The following SLCO2A1 variants were observed in gnomAD, a reference collection of about 807,000 sequenced individuals.
SLCO2A1 encodes solute carrier organic anion transporter family member 2A1.
A neutral mutation model predicts 71.7 loss-of-function variants in SLCO2A1; 60 were observed. The observed-to-expected ratio is 0.84, with a 90% CI of 0.68 to 1.04. SLCO2A1 has a LOEUF of 1.04. Among genes scored for constraint, SLCO2A1 ranks in the 50% least tolerant of loss-of-function variants. The pLI is 0.00. For missense variants in SLCO2A1, 745 were observed against 813.4 expected, an observed-to-expected ratio of 0.92 and a Z score of 1.02; for synonymous variants, 308 against 326.7, an observed-to-expected ratio of 0.94 and a Z score of 0.62.
intron 3 of SLCO2A1, among the ~76,000 whole-genome samples, chr3:133,966,124 G>A (rs1333637480): frequency 1.3e-5 from 2 of 152,298 alleles, no homozygotes; most frequent in African/African-American, 2.4e-5. Flanking sequence ...ACCACAACCC[G>A]TGGGCTGCGT....
At chr3:134,001,486 G>C (rs1935102700) in intron 1 of SLCO2A1, among the ~76,000 whole-genome samples, 2 of 152,170 alleles carry the variant, frequency 1.3e-5, no homozygotes, top group African/African-American at 4.8e-5. Context: ...TCAACAGAGG[G>C]CTGGCTGCTC....
At chr3:134,021,127 T>G (rs917391153) in intron 1 of SLCO2A1, among the ~76,000 whole-genome samples, 1 of 152,244 alleles carries the variant, frequency 6.6e-6, no homozygotes, top group African/African-American at 2.4e-5. Flanking sequence ...TTGGTTTTGA[T>G]TTTGCTTTGG....
chr3:133,973,920 A>G, intron 2 of SLCO2A1, 95 bp from the exon 3 acceptor site: 1 of 1,283,154 alleles, frequency 7.8e-7, no homozygotes, highest in Non-Finnish European at 1.1e-6. Flanking sequence ...GGAAAACTGG[A>G]AAGGGAGGGG....
intron 8 of SLCO2A1, 27 bp downstream of exon 8, chr3:133,948,509 G>A (rs373853517): frequency 1.2e-5 from 20 of 1,600,154 alleles, no homozygotes; most frequent in Admixed American, 6.8e-5. Context: ...CAAGCCCTGC[G>A]GATCCTGCAG....
chr3:133,978,863 G>A (rs1045731155), intron 2 of SLCO2A1, among the ~76,000 whole-genome samples: 5 of 152,122 alleles, frequency 3.3e-5, no homozygotes, highest in East Asian at 3.9e-4. Flanking sequence ...CTGGCTTCTC[G>A]GCCCATCTTG....
intron 1 of SLCO2A1, among the ~76,000 whole-genome samples, chr3:134,005,998 A>C (rs1935206829): frequency 6.6e-6 from 1 of 151,724 alleles, no homozygotes; most frequent in African/African-American, 2.4e-5. Context: ...TGTCTTAATG[A>C]TTACCCACAT....
At chr3:133,968,777 T>C (rs1314777201) in intron 3 of SLCO2A1, among the ~76,000 whole-genome samples, 2 of 152,196 alleles carry the variant, frequency 1.3e-5, no homozygotes, top group Non-Finnish European at 2.9e-5. Flanking sequence ...CAGTTTCCCA[T>C]AGAGGAAAAC....
At chr3:133,983,968 C>G (rs1156555444) in intron 1 of SLCO2A1, among the ~76,000 whole-genome samples, 2 of 152,054 alleles carry the variant, frequency 1.3e-5, no homozygotes, top group African/African-American at 4.8e-5. Context: ...AGGAAGAGGT[C>G]AAAGGCATGC....
chr3:133,957,922 A>T (rs1305716278), intron 3 of SLCO2A1, among the ~76,000 whole-genome samples: 1 of 152,190 alleles, frequency 6.6e-6, no homozygotes, highest in African/African-American at 2.4e-5. Context: ...TGGTTCCAAA[A>T]AGATGCCCAA....
intron 1 of SLCO2A1, among the ~76,000 whole-genome samples, chr3:133,986,653 G>T (rs1022400324): frequency 6.6e-6 from 1 of 152,196 alleles, no homozygotes; most frequent in African/African-American, 2.4e-5. Flanking sequence ...AATAAAGAGA[G>T]AACTTTTTAC....
At position 133,951,246 on chromosome 3, in the gene SLCO2A1, A is replaced by C. The variant is rs150153024; in HGVS notation, c.823T>G (p.Phe275Val). ...GGCATTGCTCGAGGGAAGAAAAAAA[A>C]GGGGAAAGAGGTGAGAACCAATAAA... ...SALLVLTSFP[F>V]FFFPRAMPIG... Residue 275 changes from phenylalanine (F) to valine (V), a missense_variant, in exon 6 of 14, where the codon TTT (phenylalanine) becomes GTT (valine). Coordinates refer to ENST00000310926, the MANE Select transcript of SLCO2A1 (RefSeq NM_005630.3). The C allele has an allele frequency of 9.9e-6, 16 of 1,613,934 alleles. No individual in the cohort carries two copies. In the East Asian group the frequency reaches 2.2e-4, roughly 22 times the overall value.
At chr3:134,015,834 C>T (rs1935439741) in intron 1 of SLCO2A1, among the ~76,000 whole-genome samples, 1 of 151,944 alleles carries the variant, frequency 6.6e-6, no homozygotes, top group African/African-American at 2.4e-5. Flanking sequence ...TCAGCAGAAA[C>T]AACGAAACAA....
chr3:134,027,341 T>TA (rs1490944757), intron 1 of SLCO2A1, among the ~76,000 whole-genome samples: 1 of 152,232 alleles, frequency 6.6e-6, no homozygotes, highest in East Asian at 1.9e-4. Flanking sequence ...CCTAATCGGT[T>TA]ATGTTATCTA....
intron 8 of SLCO2A1, 73 bp downstream of exon 8, chr3:133,948,463 G>A: frequency 6.6e-7 from 1 of 1,522,624 alleles, no homozygotes; most frequent in Non-Finnish European, 8.9e-7. Flanking sequence ...GCCCATCCCT[G>A]GATGGGTGGC....
intron 11 of SLCO2A1, among the ~76,000 whole-genome samples, chr3:133,939,694 T>C (rs1028531634): frequency 9.2e-5 from 14 of 152,354 alleles, no homozygotes; most frequent in African/African-American, 2.6e-4. Flanking sequence ...CAGTTCATAA[T>C]AGATACCTGC....
chr3:134,024,085 A>G (rs1421037095), intron 1 of SLCO2A1, among the ~76,000 whole-genome samples: 1 of 152,230 alleles, frequency 6.6e-6, no homozygotes, highest in East Asian at 1.9e-4. Context: ...AGAGCTTATC[A>G]ATCAGTCAGC....
chr3:133,995,221 T>C (rs1338116508), intron 1 of SLCO2A1, among the ~76,000 whole-genome samples: 1 of 152,148 alleles, frequency 6.6e-6, no homozygotes, highest in Non-Finnish European at 1.5e-5. Context: ...TTTTGTACTT[T>C]ATATAAATAG....
chr3:133,956,946 A>G (rs148860647), intron 3 of SLCO2A1, among the ~76,000 whole-genome samples: 424 of 152,362 alleles, frequency 2.8e-3, no homozygotes, highest in African/African-American at 9.9e-3. Context: ...TCTGGAATGA[A>G]CACATTTCTT....
intron 1 of SLCO2A1, chr3:133,998,717 C>G (rs950183694): frequency 3.3e-5 from 5 of 152,272 alleles, no homozygotes; most frequent in African/African-American, 1.2e-4. Flanking sequence ...ATGGCAAATT[C>G]TTGCAACCAC....
Sources: gnomAD v4.1 joint callset for allele counts (sites outside exome capture counted in the v4.1 genomes callset) on GRCh38, gnomAD v4.1.1 for gene constraint, MANE v1.5 for transcripts, NCBI Gene and HGNC (gene_info 2026-07-23, HGNC 2026-07-21) for gene names.